Variants in PHF20 observed in about 807,000 individuals in gnomAD.
PHF20 encodes glioma-expressed antigen 2.
In PHF20, 23 loss-of-function variants were observed where a neutral mutation model predicts 113.5. That is an observed-to-expected ratio of 0.20 (90% CI 0.15 to 0.29). The LOEUF (loss-of-function observed/expected upper bound fraction) is 0.29, where lower values mean the gene tolerates loss of function less well. Among genes scored for constraint, PHF20 ranks in the 10% least tolerant of loss-of-function variants. The pLI is 1.00. For missense variants in PHF20, 943 were observed against 1,219.6 expected (o/e 0.77, Z 3.38); for synonymous variants, 434 against 457.3 (o/e 0.95, Z 0.65).
intron 10 of PHF20, among the ~76,000 whole-genome samples, chr20:35,904,315 C>T: frequency 7.9e-6 from 1 of 126,256 alleles, no homozygotes; most frequent in South Asian, 2.7e-4. Flanking sequence ...GACAGAATCT[C>T]ACTCTGTTGC....
Position 35,863,419 on chromosome 20 carries a change from C to T in PHF20, c.808+19C>T. 6.4e-7 allele frequency: 1 copy of T among 1,569,526 alleles called. No individual in the cohort carries two copies. The highest frequency in any genetic ancestry group is 8.6e-7 in the Non-Finnish European group (1 of 1,163,284). On this transcript the variant is annotated intron_variant, in intron 6 of 17. Coordinates refer to ENST00000374012, the MANE Select transcript of PHF20 (RefSeq NM_016436.5). ...CCTACTGGTGAGTTTTTTAAGTGGG[C>T]TCTGCAATGGGCAATGCCAGAGTAT...
intron 1 of PHF20, among the ~76,000 whole-genome samples, chr20:35,795,966 T>C (rs1203905868): frequency 6.6e-6 from 1 of 152,156 alleles, no homozygotes; most frequent in African/African-American, 2.4e-5. Flanking sequence ...TTGTTCTGCC[T>C]CAGCCTCCTG....
chr20:35,800,013 A>T (rs1420494847), intron 1 of PHF20: 1 of 152,154 alleles, frequency 6.6e-6, no homozygotes, highest in Non-Finnish European at 1.5e-5. Context: ...GGCCTAATCC[A>T]GTACACCTTT....
intron 2 of PHF20, among the ~76,000 whole-genome samples, chr20:35,829,977 G>A (rs962800209): frequency 2.0e-5 from 3 of 151,442 alleles, no homozygotes; most frequent in Admixed American, 6.6e-5. Context: ...GCAGTGGTGC[G>A]ATCTCAGCTC....
At chr20:35,944,128 C>G (rs550683076) in intron 17 of PHF20, among the ~76,000 whole-genome samples, 5 of 152,148 alleles carry the variant, frequency 3.3e-5, no homozygotes. Flanking sequence ...TAGTTGGAAG[C>G]TGTTCTGCAT....
chr20:35,831,798 A>C lies in PHF20; in HGVS notation c.84-10775A>C, dbSNP rs74952354. 4.8e-3 allele frequency among the ~76,000 whole-genome samples: 730 copies of C among 152,270 alleles called. 2 individuals carry two copies. Among genetic ancestry groups the C allele is most frequent in the African/African-American group, 0.016 (673 of 41,548 alleles). On this transcript the variant is annotated intron_variant, in intron 2 of 17. Coordinates refer to ENST00000374012, the MANE Select transcript of PHF20 (RefSeq NM_016436.5). Reference sequence around the variant, plus strand: ...TATATGGTGGTCATCTGGTATCTCAACGTTCTTCATGTCATTGCCCACTTG... The same window carrying C: ...TATATGGTGGTCATCTGGTATCTCACCGTTCTTCATGTCATTGCCCACTTG...
Position 35,781,146 on chromosome 20 carries a change from T to C in PHF20, c.-33+9067T>C, listed in dbSNP as rs150961647. On this transcript the variant is annotated intron_variant, in intron 1 of 17. Transcript: ENST00000374012. ...ATTACAGGCGTGAGCAAGATTTTAT[T>C]CTTTTTTTTTTTTCTGAGATGGATT... 5.7e-4 allele frequency among the ~76,000 whole-genome samples: 85 copies of C among 148,048 alleles called. No individual in the cohort carries two copies. In the East Asian group the frequency reaches 0.014, roughly 25 times the overall value.
chr20:35,840,466 T>C (rs1171004431), intron 2 of PHF20, among the ~76,000 whole-genome samples: 1 of 152,160 alleles, frequency 6.6e-6, no homozygotes, highest in Non-Finnish European at 1.5e-5. Flanking sequence ...TGGGTACTTT[T>C]AAAGTTGTTG....
At chr20:35,928,180 T>C (rs2055679466) in intron 14 of PHF20, among the ~76,000 whole-genome samples, 1 of 152,186 alleles carries the variant, frequency 6.6e-6, no homozygotes, top group Non-Finnish European at 1.5e-5. Context: ...GGCTCACGCC[T>C]GTAATCCCAG....
At position 35,849,304 on chromosome 20, in the gene PHF20, G is replaced by A. The variant is rs73902921; in HGVS notation, c.340+1870G>A. On this transcript the variant is annotated intron_variant, in intron 4 of 17. Coordinates refer to ENST00000374012, the MANE Select transcript of PHF20 (RefSeq NM_016436.5). Reference sequence around the variant, plus strand: ...TTAATGCCTCTAAGAGGGGTGGGAAGGTGTCTTGGTGGAGGCAATGAAGGC... The same window carrying A: ...TTAATGCCTCTAAGAGGGGTGGGAAAGTGTCTTGGTGGAGGCAATGAAGGC... 2,113 of 384,850 alleles carry A rather than the reference G, an allele frequency of 5.5e-3. 25 individuals are homozygous for A. The highest frequency in any genetic ancestry group is 0.039 in the East Asian group (542 of 13,828). 23.8% of individuals were successfully genotyped at this position (384,850 alleles called of 1,614,324 possible).
intron 2 of PHF20, among the ~76,000 whole-genome samples, chr20:35,803,881 G>T (rs192551275): frequency 7.9e-4 from 120 of 151,776 alleles, no homozygotes; most frequent in African/African-American, 2.7e-3. Context: ...CTGATATAGG[G>T]TCTTACTCTA....
intron 5 of PHF20, among the ~76,000 whole-genome samples, chr20:35,862,199 AC>A (rs1167064975): frequency 6.6e-5 from 10 of 152,238 alleles, no homozygotes; most frequent in Admixed American, 5.9e-4. Flanking sequence ...TGAACTGAGC[AC>A]AGCCTTTACC....
chr20:35,812,796 C>G (rs554433324), intron 2 of PHF20, among the ~76,000 whole-genome samples: 1 of 152,204 alleles, frequency 6.6e-6, no homozygotes, highest in South Asian at 2.1e-4. Flanking sequence ...TGGGGATACT[C>G]TGGTACGTGT....
intron 1 of PHF20, among the ~76,000 whole-genome samples, chr20:35,789,648 G>A (rs2041499253): frequency 6.6e-6 from 1 of 151,866 alleles, no homozygotes; most frequent in African/African-American, 2.4e-5. Context: ...CCGGGTTCAA[G>A]CAATTCTCCT....
chr20:35,804,483 T>C (rs780646621), intron 2 of PHF20, among the ~76,000 whole-genome samples: 3 of 151,860 alleles, frequency 2.0e-5, no homozygotes, highest in Non-Finnish European at 4.4e-5. Context: ...TGATCCACCC[T>C]CCTCGGTCTC....
intron 4 of PHF20, chr20:35,855,246 A>G: frequency 7.5e-7 from 1 of 1,334,590 alleles, no homozygotes. Flanking sequence ...GCTTGCCAAC[A>G]CCCTGACAAT....
chr20:35,808,909 A>T (rs1295970296), intron 2 of PHF20, among the ~76,000 whole-genome samples: 4 of 151,726 alleles, frequency 2.6e-5, no homozygotes, highest in African/African-American at 9.7e-5. Context: ...TTTATGGAAA[A>T]GAGGAAAACG....
chr20:35,810,267 G>A (rs1311657986), intron 2 of PHF20, among the ~76,000 whole-genome samples: 1 of 152,128 alleles, frequency 6.6e-6, no homozygotes, highest in Non-Finnish European at 1.5e-5. Context: ...CAAGCTACAA[G>A]TCCTGGGTAA....
intron 2 of PHF20, among the ~76,000 whole-genome samples, chr20:35,816,176 C>T (rs1190346027): frequency 1.3e-5 from 2 of 151,970 alleles, no homozygotes; most frequent in Admixed American, 6.6e-5. Flanking sequence ...AGGATGGTCT[C>T]GATCTCTTGA....
Sources: allele counts gnomAD v4.1 joint callset (sites outside exome capture counted in the v4.1 genomes callset), GRCh38; gene constraint gnomAD v4.1.1; transcripts MANE v1.5; gene names NCBI Gene and HGNC (gene_info 2026-07-23, HGNC 2026-07-21).